The following COL14A1 variants were observed in gnomAD, a reference collection of about 807,000 sequenced individuals.
The protein encoded by COL14A1 is collagen type XIV alpha 1 chain, also known as collagen alpha-1(XIV) chain.
A neutral mutation model predicts 230.3 loss-of-function variants in COL14A1; 136 were observed. That is an observed-to-expected ratio of 0.59 (90% CI 0.51 to 0.68). COL14A1 has a LOEUF of 0.68. COL14A1 is among the 30% of genes least tolerant of loss of function. COL14A1 has a pLI of 0.00. For missense variants in COL14A1, 1,976 were observed against 2,215.8 expected, an observed-to-expected ratio of 0.89 and a Z score of 2.17; for synonymous variants, 792 against 784.1, an observed-to-expected ratio of 1.01 and a Z score of -0.17.
At chr8:120,225,448 T>C (rs1364415992) in intron 15 of COL14A1, among the ~76,000 whole-genome samples, 1 of 152,174 alleles carries the variant, frequency 6.6e-6, no homozygotes, top group Non-Finnish European at 1.5e-5. Context: ...AAGGTCTGTT[T>C]TTAAAAAAAT....
At chr8:120,277,880 A>G in intron 26 of COL14A1, 2 of 250,500 alleles carry the variant, frequency 8.0e-6, no homozygotes, top group East Asian at 1.5e-4. Flanking sequence ...CCCATGTAAC[A>G]AACCTACACA....
chr8:120,323,198 T>C (rs1408959125), intron 40 of COL14A1, among the ~76,000 whole-genome samples: 2 of 152,254 alleles, frequency 1.3e-5, no homozygotes, highest in Non-Finnish European at 2.9e-5. Context: ...ATATGTTTGT[T>C]GGCTGCGTGC....
At chr8:120,226,815 A>C in intron 16 of COL14A1, 49 bp downstream of exon 16, 1 of 1,552,194 alleles carries the variant, frequency 6.4e-7, no homozygotes, top group Non-Finnish European at 8.8e-7. Flanking sequence ...ATTAGTGAAT[A>C]CCTACTGCTG....
chr8:120,138,128 C>T (rs185840017), intron 1 of COL14A1, among the ~76,000 whole-genome samples: 3 of 151,980 alleles, frequency 2.0e-5, no homozygotes, highest in Admixed American at 1.3e-4. Context: ...ATCAATATAT[C>T]TATATACCGA....
intron 46 of COL14A1, among the ~76,000 whole-genome samples, 171 bp downstream of exon 46, chr8:120,367,419 A>G (rs549568073): frequency 6.2e-4 from 95 of 152,326 alleles, no homozygotes; most frequent in African/African-American, 2.2e-3. Flanking sequence ...CCAATATACA[A>G]GACCAAAAAG....
Position 120,313,296 on chromosome 8 carries a change from G to A in COL14A1, c.4456-636G>A, listed in dbSNP as rs992741728. ...AATCACTTGAACCTGGGAGCGGGAG[G>A]TTGCAGTGAGCTGAGATCAAGCCAC... On this transcript the variant is annotated intron_variant, in intron 37 of 47. Coordinates refer to ENST00000297848, the MANE Select transcript of COL14A1 (RefSeq NM_021110.4). Among the ~76,000 whole-genome samples, 2 of 152,184 alleles carry A rather than the reference G, an allele frequency of 1.3e-5. 1 individual carries two copies. Among genetic ancestry groups the A allele is most frequent in the African/African-American group, 4.8e-5 (2 of 41,436 alleles).
At chr8:120,161,925 A>C (rs1161826679) in intron 3 of COL14A1, among the ~76,000 whole-genome samples, 1 of 152,204 alleles carries the variant, frequency 6.6e-6, no homozygotes, top group East Asian at 1.9e-4. Flanking sequence ...TCGGCCTCCT[A>C]AAGTGCAAGG....
chr8:120,299,505 C>T (rs1820645922), intron 35 of COL14A1, among the ~76,000 whole-genome samples: 1 of 151,952 alleles, frequency 6.6e-6, no homozygotes, highest in Non-Finnish European at 1.5e-5. Context: ...CTTTCTCGTT[C>T]CTTTTCTTTT....
chr8:120,153,356 T>C (rs1252776746), intron 2 of COL14A1, among the ~76,000 whole-genome samples: 1 of 152,112 alleles, frequency 6.6e-6, no homozygotes, highest in Non-Finnish European at 1.5e-5. Flanking sequence ...CTGATTTTTG[T>C]ATATACTTTT....
intron 36 of COL14A1, among the ~76,000 whole-genome samples, chr8:120,308,208 C>T (rs1177822635): frequency 1.3e-5 from 2 of 152,228 alleles, no homozygotes; most frequent in African/African-American, 4.8e-5. Context: ...TCTCAAACTC[C>T]TAACTTCAAG....
intron 36 of COL14A1, among the ~76,000 whole-genome samples, chr8:120,303,417 A>G (rs1337802683): frequency 6.6e-6 from 1 of 152,168 alleles, no homozygotes; most frequent in East Asian, 1.9e-4. Context: ...TGTTCCTTCA[A>G]TACCTATTTT....
In COL14A1 at chr8:120,212,263, A is replaced by G. The variant is rs560833525; in HGVS notation, c.1468-185A>G. ...ACTTTTCGACTTATATGGTTCCATA[A>G]TATCTGTTCCTAGTATAAAATGACA... is the stretch of plus-strand genomic sequence containing the variant. On this transcript the variant is annotated intron_variant, in intron 12 of 47. Transcript: ENST00000297848. Among the ~76,000 whole-genome samples the G allele has an allele frequency of 5.9e-4, 90 of 152,346 alleles. 1 individual carries two copies. Among genetic ancestry groups the G allele is most frequent in the South Asian group, 5.0e-3 (24 of 4,828 alleles).
At chr8:120,275,006 T>C (rs1474466755) in intron 26 of COL14A1, among the ~76,000 whole-genome samples, 1 of 151,694 alleles carries the variant, frequency 6.6e-6, no homozygotes, top group East Asian at 1.9e-4. Flanking sequence ...GAAATTCATA[T>C]GGAACCCAAA....
intron 19 of COL14A1, among the ~76,000 whole-genome samples, chr8:120,236,028 C>A (rs1459498470): frequency 6.6e-6 from 1 of 152,124 alleles, no homozygotes; most frequent in Non-Finnish European, 1.5e-5. Flanking sequence ...GAGTGTTTTA[C>A]TTCCAATTGT....
intron 19 of COL14A1, among the ~76,000 whole-genome samples, chr8:120,242,080 T>C (rs1818623191): frequency 6.6e-6 from 1 of 152,224 alleles, no homozygotes; most frequent in Non-Finnish European, 1.5e-5. Flanking sequence ...AGATTATGTA[T>C]ATAAAGTGTA....
intron 2 of COL14A1, 50 bp from the exon 3 acceptor site, chr8:120,158,080 A>G: frequency 1.0e-6 from 1 of 1,004,096 alleles, no homozygotes; most frequent in Non-Finnish European, 1.5e-6. Flanking sequence ...TTTAACAAAT[A>G]GAAGCTTAAA....
Position 120,212,429 on chromosome 8 carries a change from C to T in COL14A1, c.1468-19C>T, listed in dbSNP as rs1257139949. 1 of 1,611,634 alleles carries T rather than the reference C, an allele frequency of 6.2e-7. No homozygotes were observed. The highest frequency in any genetic ancestry group is 8.5e-7 in the Non-Finnish European group (1 of 1,178,440). On this transcript the variant is annotated intron_variant, in intron 12 of 47. Coordinates refer to ENST00000297848, the MANE Select transcript of COL14A1 (RefSeq NM_021110.4). ...TAATATGTATTGGCAAATGATCTAACAACATGTGTTCTTTTCAGATGAAAA... is the reference window on the plus strand; with the variant it reads ...TAATATGTATTGGCAAATGATCTAATAACATGTGTTCTTTTCAGATGAAAA...
In COL14A1 at chr8:120,231,489, C is replaced by G; in HGVS notation, c.2220C>G (p.Asn740Lys). ...VTSVFQTGIR[N>K]LVVGDETTSS... Reference sequence around the variant, plus strand: ...CAGTTTTCCAGACGGGAATCAGAAACCTAGTTGTAGGTGATGAAACTACTT... The same window carrying G: ...CAGTTTTCCAGACGGGAATCAGAAAGCTAGTTGTAGGTGATGAAACTACTT... Residue 740 changes from asparagine (N) to lysine (K), a missense_variant, in exon 19 of 48, where the codon AAC becomes AAG. By Grantham distance (94) the Asn-to-Lys change is moderately conservative. Transcript: ENST00000297848. 6.2e-7 allele frequency: 1 copy of G among 1,613,010 alleles called. No homozygotes were observed.
intron 5 of COL14A1, among the ~76,000 whole-genome samples, chr8:120,171,701 T>C (rs1353498347): frequency 1.3e-5 from 2 of 152,208 alleles, no homozygotes; most frequent in African/African-American, 4.8e-5. Flanking sequence ...CAGATGTAGA[T>C]TTCTTTGTGC....
Sources: gnomAD v4.1 joint callset for allele counts (sites outside exome capture counted in the v4.1 genomes callset) on GRCh38, gnomAD v4.1.1 for gene constraint, MANE v1.5 for transcripts, NCBI Gene and HGNC (gene_info 2026-07-23, HGNC 2026-07-21) for gene names.